FAM181A: variants seen among roughly 807,000 people sequenced by gnomAD.
The protein encoded by FAM181A is protein FAM181A.
In FAM181A, 7 loss-of-function variants were observed where a neutral mutation model predicts 16.3. The observed-to-expected ratio is 0.43, with a 90% CI of 0.24 to 0.81. The LOEUF (loss-of-function observed/expected upper bound fraction) is 0.81. Ranked by LOEUF, FAM181A falls within the 30% of genes least tolerant of loss-of-function variation. The probability of loss-of-function intolerance (pLI) is 0.24; values close to 1 mark genes in which losing one functional copy is unlikely to be tolerated. For synonymous variants in FAM181A, 183 were observed against 164.9 expected, an observed-to-expected ratio of 1.11 and a Z score of -0.84; for missense variants, 349 against 377.5, an observed-to-expected ratio of 0.92 and a Z score of 0.63.
chr14:93,927,888 G>T (rs1224936809), intron 1 of FAM181A, among the ~76,000 whole-genome samples: 1 of 152,170 alleles, frequency 6.6e-6, no homozygotes, highest in Non-Finnish European at 1.5e-5. Context: ...CAGGCTGGGA[G>T]TGTGTGCCAG....
At chr14:93,925,982 TC>T (rs1490262026), upstream of FAM181A, among the ~76,000 whole-genome samples, 3 of 151,982 alleles carry the variant, frequency 2.0e-5, no homozygotes, top group Non-Finnish European at 2.9e-5. Flanking sequence ...ATGCCCCCAG[TC>T]TGGGTAGGGA....
upstream of FAM181A, chr14:93,925,501 G>A (rs11160153): frequency 2.8e-6 from 2 of 703,008 alleles, no homozygotes; most frequent in African/African-American, 1.8e-5. Flanking sequence ...CTTCAGCCAC[G>A]CGTGCCAGAT....
In FAM181A at chr14:93,927,468, C is replaced by T. The variant is rs1887953187; in HGVS notation, c.-88+14C>T. The T allele has an allele frequency of 8.0e-7, 1 of 1,245,304 alleles. No individual in the cohort carries two copies. The highest frequency in any genetic ancestry group is 1.0e-6 in the Non-Finnish European group (1 of 963,536). 77.1% of individuals were successfully genotyped at this position (1,245,304 alleles called of 1,614,324 possible). On this transcript the variant is annotated intron_variant, in intron 1 of 1. Coordinates refer to ENST00000556222, the MANE Select transcript of FAM181A (RefSeq NM_001207073.2). ...GCCGCACCTTCGGTCAGTGTGGAGGCCCGGTGGCTCTGGCCCGACTGGGTG... is the reference window on the plus strand; with the variant it reads ...GCCGCACCTTCGGTCAGTGTGGAGGTCCGGTGGCTCTGGCCCGACTGGGTG...
intron 1 of FAM181A, 96 bp from the exon 2 acceptor site, chr14:93,928,103 G>T: frequency 6.5e-7 from 1 of 1,531,168 alleles, no homozygotes; most frequent in African/African-American, 1.4e-5. Flanking sequence ...AGAGGTGCTG[G>T]GGTGGGGAGA....
rs1888055161 is a variant in FAM181A, at chr14:93,929,107, C to T, written c.822C>T (p.Pro274=). 5 of 1,531,964 alleles carry T rather than the reference C, an allele frequency of 3.3e-6. No homozygotes were observed. Among genetic ancestry groups the T allele is most frequent in the South Asian group, 2.6e-5 (2 of 77,658 alleles). The allele number at this position is 1,531,964 out of a possible 1,614,324, so 94.9% of individuals were successfully genotyped here. ...QKVCRPVVLK[P]IPTKPAVPPP... ...TGTGCAGGCCCGTGGTGCTGAAACC[C>T]ATCCCCACCAAGCCAGCCGTGCCCC... Residue 274 remains proline, a synonymous_variant, in exon 2 of 2, where the codon CCC becomes CCT. Transcript: ENST00000556222.
chr14:93,928,744 G>A lies in FAM181A; in HGVS notation c.459G>A (p.Leu153=). The A allele has an allele frequency of 6.2e-7, 1 of 1,613,998 alleles. No homozygotes were observed. The highest frequency in any genetic ancestry group is 8.5e-7 in the Non-Finnish European group (1 of 1,179,968). Residue 153 remains leucine (L), a synonymous_variant, in exon 2 of 2, where the codon CTG becomes CTA. Transcript: ENST00000556222. ...PRPTHSYHVG[L]EGGLGPREGP... The stretch of plus-strand genomic sequence containing the variant: ...CCACCCACAGCTACCATGTGGGGCT[G>A]GAGGGGGGACTGGGCCCCAGGGAGG...
rs1281132250 is a variant in FAM181A at position 93,929,413 on chromosome 14, C to T, written c.*249C>T. On this transcript the variant is annotated 3_prime_UTR_variant, in exon 2 of 2. Transcript: ENST00000556222. Reference sequence around the variant, plus strand: ...GGCCAGGGCCCAGCAGCTTGTCCCGCTGTCCCTGTGCAGACCATAGGTACT... The same window carrying T: ...GGCCAGGGCCCAGCAGCTTGTCCCGTTGTCCCTGTGCAGACCATAGGTACT... The T allele has an allele frequency of 4.2e-6, 2 of 474,162 alleles. No homozygotes were observed. Among genetic ancestry groups the T allele is most frequent in the Non-Finnish European group, 7.3e-6 (2 of 274,018 alleles). The allele number at this position is 474,162 out of a possible 1,614,324, so 29.4% of individuals were successfully genotyped here.
At chr14:93,920,553 T>C (rs1000457364) in intron 1 of FAM181A, among the ~76,000 whole-genome samples, 2 of 152,208 alleles carry the variant, frequency 1.3e-5, no homozygotes, top group African/African-American at 2.4e-5. Flanking sequence ...CTTAGCATAG[T>C]ACAAATTGTA....
intron 1 of FAM181A, 63 bp from the exon 2 acceptor site, chr14:93,928,136 G>A: frequency 6.4e-7 from 1 of 1,574,466 alleles, no homozygotes; most frequent in Non-Finnish European, 8.6e-7. Flanking sequence ...AGGTGCTGTG[G>A]TCTTTTGGGA....
At chr14:93,921,059 C>T (rs1321599425) in intron 1 of FAM181A, among the ~76,000 whole-genome samples, 2 of 152,194 alleles carry the variant, frequency 1.3e-5, no homozygotes, top group Non-Finnish European at 1.5e-5. Context: ...ACTTGTGGCA[C>T]GCTATCATAT....
intron 1 of FAM181A, 138 bp downstream of exon 1, chr14:93,927,592 T>TC (rs1309923878): frequency 7.8e-7 from 1 of 1,286,512 alleles, no homozygotes; most frequent in Admixed American, 2.3e-5. Flanking sequence ...TTCGGGGGAA[T>TC]CCCTGCTGCC....
chr14:93,920,207 G>A (rs1202413246), intron 1 of FAM181A, among the ~76,000 whole-genome samples: 1 of 151,922 alleles, frequency 6.6e-6, no homozygotes, highest in Non-Finnish European at 1.5e-5. Flanking sequence ...TGAGCTCAGG[G>A]GTTTGAGACC....
chr14:93,927,672 G>C, intron 1 of FAM181A: 2 of 1,263,692 alleles, frequency 1.6e-6, no homozygotes, highest in Non-Finnish European at 1.0e-6. Context: ...CTGGTCCTGC[G>C]TGAGAGCTGG....
upstream of FAM181A, chr14:93,925,367 G>A: frequency 6.2e-7 from 1 of 1,612,306 alleles, no homozygotes; most frequent in Non-Finnish European, 8.5e-7. Flanking sequence ...GCACAGCAAA[G>A]CAGGTGGTTA....
chr14:93,925,315 C>CA, upstream of FAM181A: 1 of 1,613,564 alleles, frequency 6.2e-7, no homozygotes, highest in African/African-American at 1.3e-5. Context: ...AGGAATGATG[C>CA]AGCCCCCACA....
upstream of FAM181A, chr14:93,925,456 C>A: frequency 7.5e-7 from 1 of 1,327,822 alleles, no homozygotes; most frequent in East Asian, 2.4e-5. Flanking sequence ...CAGCAGGGAG[C>A]TGGCCCTGGT....
At chr14:93,924,815 G>T (rs1312143519), upstream of FAM181A, among the ~76,000 whole-genome samples, 2 of 152,088 alleles carry the variant, frequency 1.3e-5, no homozygotes, top group East Asian at 1.9e-4. Context: ...AAGCTCTGCT[G>T]GTTAACAGCT....
upstream of FAM181A, among the ~76,000 whole-genome samples, chr14:93,922,710 GAT>G (rs1312305367): frequency 6.6e-6 from 1 of 152,040 alleles, no homozygotes; most frequent in East Asian, 1.9e-4. Context: ...TTAATTAAAA[GAT>G]AAACTTTTTT....
At chr14:93,927,506 G>A (rs1235754296) in intron 1 of FAM181A, 52 bp downstream of exon 1, 6 of 1,274,054 alleles carry the variant, frequency 4.7e-6, no homozygotes, top group Admixed American at 2.3e-5. Flanking sequence ...GGGTGTGGGG[G>A]CAGGCTGGGG....
Sources: allele counts gnomAD v4.1 joint callset (sites outside exome capture counted in the v4.1 genomes callset), GRCh38; gene constraint gnomAD v4.1.1; transcripts MANE v1.5; gene names NCBI Gene and HGNC (gene_info 2026-07-23, HGNC 2026-07-21).